SDF4: variants seen among roughly 807,000 people sequenced by gnomAD.
The protein encoded by SDF4 is 45 kDa calcium-binding protein.
SDF4 carries 22 observed loss-of-function variants against 34.2 expected under a neutral mutation model. The ratio of observed to expected loss-of-function variants is 0.64; its 90% confidence interval spans 0.46 to 0.92. SDF4 has a LOEUF of 0.92. Ranked by LOEUF, SDF4 falls within the 40% of genes least tolerant of loss-of-function variation. SDF4 has a pLI of 0.00. For synonymous variants in SDF4, 236 were observed against 203.1 expected, an observed-to-expected ratio of 1.16 and a Z score of -1.38; for missense variants, 447 against 499.9, an observed-to-expected ratio of 0.89 and a Z score of 1.01.
chr1:1,226,841 C>T (rs1020030166), intron 2 of SDF4, among the ~76,000 whole-genome samples: 1 of 152,154 alleles, frequency 6.6e-6, no homozygotes, highest in African/African-American at 2.4e-5. Flanking sequence ...CAGCCCACCC[C>T]CAGCACCGGC....
In SDF4 at chr1:1,217,313, G is replaced by T. The variant is rs964638148; in HGVS notation, c.*199C>A. The T allele has an allele frequency of 3.6e-6, 1 of 274,256 alleles. No homozygotes were observed. The highest frequency in any genetic ancestry group is 6.4e-6 in the Non-Finnish European group (1 of 155,422). The allele number at this position is 274,256 out of a possible 1,614,324, so 17.0% of individuals were successfully genotyped here. The stretch of plus-strand genomic sequence containing the variant: ...GGGCCACAGCCCAGCCCCGCGCCCC[G>T]ACCGCGTCACAGCCAAAGCCCCGCC... On this transcript the variant is annotated 3_prime_UTR_variant, in exon 7 of 7. Transcript: ENST00000360001. This position sits in a 1 kb window ranked among gnomAD's most constrained non-coding sequence, Gnocchi z 8.5.
chr1:1,223,488 C>T lies in SDF4; in HGVS notation c.443-131G>A, dbSNP rs78147914. ...GCCAGCGTCTGGAGCCCCAGGGCCC[C>T]GGCCAGCACCCCACACCCGTTTCCT... On this transcript the variant is annotated intron_variant, in intron 3 of 6. Coordinates refer to ENST00000360001, the MANE Select transcript of SDF4 (RefSeq NM_016176.6). The T allele has an allele frequency of 1.5e-3, 1,080 of 715,692 alleles. 9 individuals are homozygous for T. In the African/African-American group the frequency reaches 0.017, roughly 11 times the overall value. The allele number at this position is 715,692 out of a possible 1,614,324, so 44.3% of individuals were successfully genotyped here. A position where few individuals can be genotyped will look rare whatever the true frequency, so the allele number is the denominator to read the frequency against.
In SDF4 at chr1:1,228,879, T is replaced by G; in HGVS notation, c.-107A>C. 9.5e-7 allele frequency: 1 copy of G among 1,055,838 alleles called. No homozygotes were observed. Among genetic ancestry groups the G allele is most frequent in the African/African-American group, 1.6e-5 (1 of 62,696 alleles). 65.4% of individuals were successfully genotyped at this position (1,055,838 alleles called of 1,614,324 possible). A position where few individuals can be genotyped will look rare whatever the true frequency, so the allele number is the denominator to read the frequency against. ...AAGTGAGGTCCTGGCTCCAATCCAA[T>G]CCCCGGGCACCACGGAGGGCTCTGT... On this transcript the variant is annotated 5_prime_UTR_variant, in exon 2 of 7. Transcript: ENST00000360001.
rs761765056 is a variant in SDF4, at chr1:1,217,549, A to G, written c.1031T>C (p.Leu344Pro). ...KYSEFFTGSK[L>P]VDYARSVHEE... ...GTGCACGCTGCGCGCGTAGTCCACC[A>G]GCTTGCTGCCCGTGAAGAACTCGCT... Residue 344 changes from leucine (L) to proline (P), a missense_variant, in exon 7 of 7, where the codon CTG (leucine) becomes CCG (proline). Transcript: ENST00000360001. This position sits in a 1 kb window ranked among gnomAD's most constrained non-coding sequence, Gnocchi z 8.5. 1.2e-6 allele frequency: 2 copies of G among 1,612,976 alleles called. No individual in the cohort carries two copies. Among genetic ancestry groups the G allele is most frequent in the South Asian group, 2.2e-5 (2 of 91,076 alleles).
In SDF4 at chr1:1,217,575, G is replaced by A; in HGVS notation, c.1005C>T (p.Tyr335=). The A allele has an allele frequency of 6.2e-7, 1 of 1,613,588 alleles. No homozygotes were observed. Among genetic ancestry groups the A allele is most frequent in the Non-Finnish European group, 8.5e-7 (1 of 1,179,906 alleles). ...GCTTGCTGCCCGTGAAGAACTCGCT[G>A]TACTTGAGCACCTCCTCGGGCTCCA... The part of the protein sequence containing the change: ...HHLEPEEVLK[Y]SEFFTGSKLV... Residue 335 remains tyrosine (Y), a synonymous_variant, in exon 7 of 7, where the codon TAC becomes TAT. Coordinates refer to ENST00000360001, the MANE Select transcript of SDF4 (RefSeq NM_016176.6). The surrounding 1 kb of genome is among the most constrained non-coding windows in gnomAD (Gnocchi z 8.5).
rs763895712 is a variant in SDF4 at position 1,228,579 on chromosome 1, T to G, written c.194A>C (p.His65Pro). 6.2e-7 allele frequency: 1 copy of G among 1,613,132 alleles called. No individual in the cohort carries two copies. Among genetic ancestry groups the G allele is most frequent in the Admixed American group, 1.7e-5 (1 of 60,022 alleles). ...CTCCTGGTGGAAGCCGCGATTGAGG[T>G]GCCCGTCCATCTCCAGCTTCACCCC... ...LNGVKLEMDG[H>P]LNRGFHQEVF... Residue 65 changes from histidine to proline, a missense_variant, in exon 2 of 7, where the codon CAC (histidine) becomes CCC (proline). Coordinates refer to ENST00000360001, the MANE Select transcript of SDF4 (RefSeq NM_016176.6).
chr1:1,219,255 A>C, intron 4 of SDF4: 1 of 1,172,054 alleles, frequency 8.5e-7, no homozygotes, highest in Non-Finnish European at 1.1e-6. Flanking sequence ...CTCCCCACAG[A>C]CACAGCCCAG....
chr1:1,223,820 C>CCCCCCCCCCCCAA lies in SDF4; in HGVS notation c.442+11_442+12insTTGGGGGGGGGGG, dbSNP rs1570483240. 1 of 1,515,846 alleles carries CCCCCCCCCCCCAA rather than the reference C, an allele frequency of 6.6e-7. No homozygotes were observed. Among genetic ancestry groups the CCCCCCCCCCCCAA allele is most frequent in the Non-Finnish European group, 8.9e-7 (1 of 1,117,556 alleles). 93.9% of individuals were successfully genotyped at this position (1,515,846 alleles called of 1,614,324 possible). On this transcript the variant is annotated intron_variant, in intron 3 of 6. Coordinates refer to ENST00000360001, the MANE Select transcript of SDF4 (RefSeq NM_016176.6). ...GCCCACCGCCCCACCCACCCCGGCC[C>CCCCCCCCCCCCAA]AGCCACAGTACCGTCCCCGTCAGGG...
rs1352257210 is a variant in SDF4 at position 1,218,217 on chromosome 1, G to GC, written c.891+240dup. 6.6e-6 allele frequency among the ~76,000 whole-genome samples: 1 copy of GC among 152,196 alleles called. No individual in the cohort carries two copies. The highest frequency in any genetic ancestry group is 1.5e-5 in the Non-Finnish European group (1 of 68,034). ...GGGCTGTGAGAACCCTGACGCCTCC[G>GC]CAAGGGGCTGAGGATGGAGCCCGGC... On this transcript the variant is annotated intron_variant, in intron 6 of 6. Coordinates refer to ENST00000360001, the MANE Select transcript of SDF4 (RefSeq NM_016176.6). The surrounding 1 kb of genome is among the most constrained non-coding windows in gnomAD (Gnocchi z 7.9).
At chr1:1,220,199 G>C in intron 4 of SDF4, 1 of 992,022 alleles carries the variant, frequency 1.0e-6, no homozygotes, top group Admixed American at 5.9e-5. Context: ...CCACGAGCCG[G>C]GCCTCTGCTG....
At chr1:1,220,295 G>A (rs1410157164) in intron 4 of SDF4, 1 of 1,092,320 alleles carries the variant, frequency 9.2e-7, no homozygotes. Context: ...GACCCAGAGA[G>A]AGGCAGCGAT....
chr1:1,220,146 CCAA>C, intron 4 of SDF4: 4 of 988,014 alleles, frequency 4.0e-6, no homozygotes, highest in Admixed American at 6.0e-5. Context: ...AGCCCCAGCA[CCAA>C]CCTCAGGCTG....
Position 1,228,484 on chromosome 1 carries a change from T to A in SDF4, c.289A>T (p.Met97Leu). The change falls in exon 2 of 7, where the codon ATG becomes TTG. Residue 97 changes from methionine (M) to leucine (L), a missense_variant. Physicochemically the swap from Met to Leu is conservative, Grantham distance 15. Coordinates refer to ENST00000360001, the MANE Select transcript of SDF4 (RefSeq NM_016176.6). The stretch of plus-strand genomic sequence containing the variant: ...GGCACCTACTTGGAAAAGATGACCA[T>A]CAGCTTCCTCCGGCTCCGCCGCGGC... ...AEPRRSRRKL[M>L]VIFSKVDVNT... 2.5e-6 allele frequency: 4 copies of A among 1,605,718 alleles called. No homozygotes were observed. Among genetic ancestry groups the A allele is most frequent in the Non-Finnish European group, 3.4e-6 (4 of 1,174,770 alleles).
intron 2 of SDF4, among the ~76,000 whole-genome samples, chr1:1,226,317 C>G (rs1638307471): frequency 1.3e-5 from 2 of 151,288 alleles, no homozygotes; most frequent in African/African-American, 4.9e-5. Flanking sequence ...TCTGGATGCT[C>G]TTTCCAGAAA....
At chr1:1,225,610 G>A (rs1048944906) in intron 2 of SDF4, among the ~76,000 whole-genome samples, 9 of 152,194 alleles carry the variant, frequency 5.9e-5, no homozygotes, top group African/African-American at 1.9e-4. Flanking sequence ...GGCCACCCGG[G>A]TGGCCATGTG....
chr1:1,229,052 TGTGGCATCGCCTTCTCCAGACCACAC>T (rs1431263447), intron 1 of SDF4, 106 bp from the exon 2 acceptor site: 7 of 525,938 alleles, frequency 1.3e-5, no homozygotes, highest in Non-Finnish European at 2.4e-5. Flanking sequence ...GATCCAGACA[TGTGGCATCGCCTTCTCCAGACCACAC>T]GTGGCACTGC....
intron 2 of SDF4, among the ~76,000 whole-genome samples, chr1:1,227,927 C>A (rs1172218105): frequency 6.6e-6 from 1 of 152,158 alleles, no homozygotes; most frequent in Non-Finnish European, 1.5e-5. Flanking sequence ...TGCTCCCGAC[C>A]AGGCCAGCAA....
chr1:1,219,208 C>A, intron 4 of SDF4: 3 of 1,258,406 alleles, frequency 2.4e-6, no homozygotes, highest in African/African-American at 1.7e-5. Flanking sequence ...CCTGGACCCC[C>A]CCCTGCCCCA....
chr1:1,230,943 C>T (rs1366320929), intron 1 of SDF4, among the ~76,000 whole-genome samples: 1 of 152,222 alleles, frequency 6.6e-6, no homozygotes, highest in Non-Finnish European at 1.5e-5. Context: ...GTACTTTGTT[C>T]CTAGAGAAAA....
Sources: allele counts gnomAD v4.1 joint callset (sites outside exome capture counted in the v4.1 genomes callset), GRCh38; gene constraint gnomAD v4.1.1; non-coding constraint Gnocchi (gnomAD v3.1); transcripts MANE v1.5; gene names NCBI Gene and HGNC (gene_info 2026-07-23, HGNC 2026-07-21).